OLFM3: variants seen among roughly 807,000 people sequenced by gnomAD.
OLFM3 encodes noelin-3.
OLFM3 carries 20 observed loss-of-function variants against 48.6 expected under a neutral mutation model. That is an observed-to-expected ratio of 0.41 (90% confidence interval 0.29 to 0.60). The LOEUF (loss-of-function observed/expected upper bound fraction) is 0.60, where lower values mean the gene tolerates loss of function less well. Ranked by LOEUF, OLFM3 falls within the 20% of genes least tolerant of loss-of-function variation. OLFM3 has a pLI of 0.28. For synonymous variants in OLFM3, 222 were observed against 198.1 expected (o/e 1.12, Z -1.01); for missense variants, 437 against 544.3 (o/e 0.80, Z 1.96).
intron 1 of OLFM3, among the ~76,000 whole-genome samples, chr1:101,971,210 A>C (rs1414097976): frequency 6.6e-6 from 1 of 152,216 alleles, no homozygotes; most frequent in African/African-American, 2.4e-5. Context: ...ATGAGGATCT[A>C]AGCCAGAGCA....
chr1:101,890,016 C>T (rs948849020), intron 1 of OLFM3, among the ~76,000 whole-genome samples: 1 of 151,936 alleles, frequency 6.6e-6, no homozygotes, highest in Non-Finnish European at 1.5e-5. Context: ...CCACAGGGAA[C>T]TGATTAAGTA....
chr1:101,921,795 C>T lies in OLFM3; in HGVS notation c.69+74953G>A, dbSNP rs146815555. Among the ~76,000 whole-genome samples, 1,283 of 152,268 alleles carry T rather than the reference C, an allele frequency of 8.4e-3. 18 individuals carry two copies. The highest frequency in any genetic ancestry group is 0.028 in the African/African-American group (1,169 of 41,554). ...CTGCCAGGCTGGGTGCAGTGGCTCACGCCTGTAATCCCAGCACTTTGGGAG... is the reference window on the plus strand; with the variant it reads ...CTGCCAGGCTGGGTGCAGTGGCTCATGCCTGTAATCCCAGCACTTTGGGAG... On this transcript the variant is annotated intron_variant, in intron 1 of 5. Transcript: ENST00000370103.
intron 1 of OLFM3, among the ~76,000 whole-genome samples, chr1:101,978,246 A>G (rs1661007982): frequency 1.3e-5 from 2 of 152,122 alleles, no homozygotes; most frequent in African/African-American, 4.8e-5. Flanking sequence ...TGTTTATTGC[A>G]ATTTCAAACA....
chr1:101,902,755 G>A (rs558336320), intron 1 of OLFM3, among the ~76,000 whole-genome samples: 17 of 152,048 alleles, frequency 1.1e-4, no homozygotes, highest in Non-Finnish European at 1.9e-4. Flanking sequence ...AACAGCGTAC[G>A]TATACTATCT....
intron 1 of OLFM3, among the ~76,000 whole-genome samples, chr1:101,994,379 T>C (rs1371599283): frequency 6.6e-6 from 1 of 150,986 alleles, no homozygotes; most frequent in East Asian, 1.9e-4. Context: ...CCAAAAACTG[T>C]ATTTTTTGTA....
At position 101,950,587 on chromosome 1, in the gene OLFM3, T is replaced by C. The variant is rs538652130; in HGVS notation, c.69+46161A>G. ...CCGAGTAGCTGGGACTACAAGCGCC[T>C]GCCACCACTCCCGGCTAATTTTTTT... is the stretch of plus-strand genomic sequence containing the variant. On this transcript the variant is annotated intron_variant, in intron 1 of 5. Coordinates refer to ENST00000370103, the MANE Select transcript of OLFM3 (RefSeq NM_058170.4). Among the ~76,000 whole-genome samples, 36 of 151,952 alleles carry C rather than the reference T, an allele frequency of 2.4e-4. 1 individual carries two copies. The East Asian group carries it at 6.2e-3, about 26-fold the overall frequency.
At chr1:101,853,291 G>A (rs1372304839) in intron 1 of OLFM3, among the ~76,000 whole-genome samples, 1 of 151,902 alleles carries the variant, frequency 6.6e-6, no homozygotes, top group Non-Finnish European at 1.5e-5. Context: ...CCCTTCTCTT[G>A]TGGAAATTAC....
chr1:101,892,960 T>C (rs1048493956), intron 1 of OLFM3: 1 of 152,514 alleles, frequency 6.6e-6, no homozygotes, highest in Non-Finnish European at 1.5e-5. Flanking sequence ...AAAGTAAGAT[T>C]TGAATTTTTT....
At position 101,815,774 on chromosome 1, in the gene OLFM3, G is replaced by GT. The variant is rs1654309150; in HGVS notation, c.592+9251dup. On this transcript the variant is annotated intron_variant, in intron 4 of 5. Coordinates refer to ENST00000370103, the MANE Select transcript of OLFM3 (RefSeq NM_058170.4). ...TCTAAGTTGTTCATGACTATTACACGTATCAGTAGAAACAGCATATAAATC... is the reference window on the plus strand; with the variant it reads ...TCTAAGTTGTTCATGACTATTACACGTTATCAGTAGAAACAGCATATAAATC... Among the ~76,000 whole-genome samples, 4 of 152,230 alleles carry GT rather than the reference G, an allele frequency of 2.6e-5. No individual in the cohort carries two copies. The South Asian group carries it at 8.3e-4, about 32-fold the overall frequency.
chr1:101,961,741 T>C (rs933877516), intron 1 of OLFM3, among the ~76,000 whole-genome samples: 2 of 152,154 alleles, frequency 1.3e-5, no homozygotes, highest in African/African-American at 2.4e-5. Context: ...TATGTTTTCA[T>C]GACTGAAAGA....
chr1:101,902,099 T>C (rs1281328790), intron 1 of OLFM3, among the ~76,000 whole-genome samples: 1 of 151,706 alleles, frequency 6.6e-6, no homozygotes, highest in East Asian at 1.9e-4. Context: ...TAGAACTAGA[T>C]ATAGAAAAGG....
chr1:101,892,467 T>C (rs1369137703), intron 1 of OLFM3, among the ~76,000 whole-genome samples: 2 of 152,076 alleles, frequency 1.3e-5, no homozygotes. Flanking sequence ...CCTAATTCCT[T>C]TTACAAAAAT....
intron 1 of OLFM3, among the ~76,000 whole-genome samples, chr1:101,907,771 GA>G (rs369513297): frequency 1.2e-4 from 18 of 152,308 alleles, no homozygotes; most frequent in African/African-American, 3.8e-4. Context: ...TTTGAGTTCA[GA>G]AGATTCTTTT....
chr1:101,932,085 A>AT (rs564064502), intron 1 of OLFM3, among the ~76,000 whole-genome samples: 110 of 152,090 alleles, frequency 7.2e-4, no homozygotes, highest in Middle Eastern at 3.4e-3. Context: ...GTAGAGTGTG[A>AT]TTTTTTCCCC....
chr1:101,837,813 G>A (rs1238613393), intron 1 of OLFM3: 1 of 152,116 alleles, frequency 6.6e-6, no homozygotes, highest in Non-Finnish European at 1.5e-5. Context: ...GTTGATTCAT[G>A]TCTTTTTATG....
chr1:101,930,830 G>A (rs1416609384), intron 1 of OLFM3, among the ~76,000 whole-genome samples: 1 of 152,190 alleles, frequency 6.6e-6, no homozygotes, highest in Non-Finnish European at 1.5e-5. Context: ...AAGTGGCTGA[G>A]CCAGGAGCCA....
intron 1 of OLFM3, among the ~76,000 whole-genome samples, chr1:101,881,885 C>A (rs1169679275): frequency 6.6e-6 from 1 of 151,480 alleles, no homozygotes; most frequent in Non-Finnish European, 1.5e-5. Flanking sequence ...AGACCTCAAC[C>A]ACAGTCTTCT....
intron 1 of OLFM3, among the ~76,000 whole-genome samples, chr1:101,850,977 G>C (rs887422671): frequency 2.0e-5 from 3 of 152,064 alleles, no homozygotes; most frequent in Non-Finnish European, 2.9e-5. Context: ...ATCGAAAAAT[G>C]AACTGTATTG....
At chr1:101,919,424 C>A (rs887181299) in intron 1 of OLFM3, among the ~76,000 whole-genome samples, 2 of 152,168 alleles carry the variant, frequency 1.3e-5, no homozygotes, top group Non-Finnish European at 2.9e-5. Context: ...CCAGTGATCA[C>A]CACACTGCTA....
Sources: allele counts gnomAD v4.1 joint callset (sites outside exome capture counted in the v4.1 genomes callset), GRCh38; gene constraint gnomAD v4.1.1; transcripts MANE v1.5; gene names NCBI Gene and HGNC (gene_info 2026-07-23, HGNC 2026-07-21).